Variants in DPYD observed in about 807,000 individuals in gnomAD.
DPYD encodes dihydropyrimidine dehydrogenase.
DPYD carries 109 observed loss-of-function variants against 116.2 expected under a neutral mutation model. That is an observed-to-expected ratio of 0.94 (90% CI 0.80 to 1.10). The LOEUF (loss-of-function observed/expected upper bound fraction) is 1.10. Among genes scored for constraint, DPYD ranks in the 50% least tolerant of loss-of-function variants. DPYD has a pLI of 0.00. For synonymous variants in DPYD, 440 were observed against 432.0 expected, an observed-to-expected ratio of 1.02 and a Z score of -0.23; for missense variants, 1,302 against 1,254.5, an observed-to-expected ratio of 1.04 and a Z score of -0.57.
At chr1:97,720,480 T>A (rs1662860393) in intron 5 of DPYD, 5 of 992,956 alleles carry the variant, frequency 5.0e-6, no homozygotes, top group Non-Finnish European at 6.0e-6. Context: ...AGAAATTAAA[T>A]CCCAGAATTT....
intron 2 of DPYD, among the ~76,000 whole-genome samples, chr1:97,853,901 C>T (rs1044697771): frequency 6.6e-6 from 1 of 151,974 alleles, no homozygotes; most frequent in Non-Finnish European, 1.5e-5. Flanking sequence ...CTGTCTCATC[C>T]TTGCAAAAAA....
chr1:97,164,279 AAAT>A (rs1408772976), intron 20 of DPYD, among the ~76,000 whole-genome samples: 4 of 152,200 alleles, frequency 2.6e-5, no homozygotes, highest in Non-Finnish European at 5.9e-5. Flanking sequence ...ACACAGCTCA[AAAT>A]AATAAGATCC....
intron 20 of DPYD, among the ~76,000 whole-genome samples, chr1:97,176,661 G>T (rs1657280256): frequency 6.6e-6 from 1 of 152,154 alleles, no homozygotes. Context: ...TGCAGAAAAA[G>T]CACTGAACTG....
At chr1:97,326,835 CTG>C (rs1668728914) in intron 16 of DPYD, among the ~76,000 whole-genome samples, 1 of 151,918 alleles carries the variant, frequency 6.6e-6, no homozygotes, top group African/African-American at 2.4e-5. Flanking sequence ...GAGTCTATAA[CTG>C]TGTTTTACAT....
In DPYD at chr1:97,720,928, T is replaced by A. The variant is rs1662886965; in HGVS notation, c.483+582A>T. 3 of 1,608,872 alleles carry A rather than the reference T, an allele frequency of 1.9e-6. No homozygotes were observed. The African/African-American group carries it at 4.0e-5, about 22-fold the overall frequency. ...TAAAGAGAAAGCCAGGATCAAAGTCTATGGGATAAACAGAAAAAAAAGTGC... is the reference window on the plus strand; with the variant it reads ...TAAAGAGAAAGCCAGGATCAAAGTCAATGGGATAAACAGAAAAAAAAGTGC... On this transcript the variant is annotated intron_variant, in intron 5 of 22. Coordinates refer to ENST00000370192, the MANE Select transcript of DPYD (RefSeq NM_000110.4).
chr1:97,667,779 C>G (rs556491233), intron 8 of DPYD, among the ~76,000 whole-genome samples: 1 of 152,162 alleles, frequency 6.6e-6, no homozygotes, highest in South Asian at 2.1e-4. Context: ...TTTGTGGGAG[C>G]ATTATTCCCA....
chr1:97,287,552 C>A (rs1421521663), intron 18 of DPYD, among the ~76,000 whole-genome samples: 1 of 152,190 alleles, frequency 6.6e-6, no homozygotes, highest in Non-Finnish European at 1.5e-5. Flanking sequence ...CAGAGGCAGG[C>A]AGGCATCCTT....
At chr1:97,423,605 T>G (rs1674702223) in intron 14 of DPYD, among the ~76,000 whole-genome samples, 1 of 152,090 alleles carries the variant, frequency 6.6e-6, no homozygotes, top group South Asian at 2.1e-4. Flanking sequence ...ATTTGGGGCA[T>G]TGAGAGGCAG....
intron 3 of DPYD, among the ~76,000 whole-genome samples, chr1:97,788,882 C>A (rs1212492166): frequency 2.0e-5 from 3 of 152,166 alleles, no homozygotes; most frequent in Non-Finnish European, 1.5e-5. Flanking sequence ...CGGCTCACTG[C>A]AACCTCCGCC....
chr1:97,714,382 T>C (rs1557902173), intron 5 of DPYD, among the ~76,000 whole-genome samples: 1 of 152,084 alleles, frequency 6.6e-6, no homozygotes, highest in East Asian at 1.9e-4. Context: ...CTGGCTAATT[T>C]TTTTTATTTT....
chr1:97,574,784 T>G (rs552321198), intron 10 of DPYD, among the ~76,000 whole-genome samples: 3 of 152,298 alleles, frequency 2.0e-5, no homozygotes, highest in African/African-American at 7.2e-5. Flanking sequence ...TGTTCTTTTT[T>G]TAAAAAATGC....
In DPYD at chr1:97,613,561, A is replaced by T. The variant is rs192091658; in HGVS notation, c.851-18395T>A. ...GTGTGCTGGTGAGACTTTCCGAAAC[A>T]CCTGTTTTCAACGCATGATCTGCCA... On this transcript the variant is annotated intron_variant, in intron 8 of 22. Transcript: ENST00000370192. 4.6e-5 allele frequency among the ~76,000 whole-genome samples: 7 copies of T among 152,122 alleles called. No homozygotes were observed. The East Asian group carries it at 1.4e-3, about 29-fold the overall frequency.
chr1:97,617,318 A>G (rs1028220739), intron 8 of DPYD, among the ~76,000 whole-genome samples: 5 of 152,188 alleles, frequency 3.3e-5, no homozygotes, highest in African/African-American at 1.2e-4. Context: ...AAATAAAGGT[A>G]ATTGGCTAGG....
intron 7 of DPYD, among the ~76,000 whole-genome samples, chr1:97,689,663 T>C (rs988850609): frequency 6.6e-6 from 1 of 151,926 alleles, no homozygotes. Flanking sequence ...TATATATTAG[T>C]TGAGAGAGAC....
At chr1:97,292,282 AAAAG>A (rs1666242709) in intron 18 of DPYD, among the ~76,000 whole-genome samples, 1 of 152,158 alleles carries the variant, frequency 6.6e-6, no homozygotes, top group Admixed American at 6.5e-5. Context: ...GGTAATGTAT[AAAAG>A]AAAGAGATTT....
chr1:97,422,159 G>T (rs1674621903), intron 14 of DPYD, among the ~76,000 whole-genome samples: 1 of 151,988 alleles, frequency 6.6e-6, no homozygotes, highest in Non-Finnish European at 1.5e-5. Context: ...ATTGGTTTTG[G>T]GAAGTATTTT....
intron 8 of DPYD, among the ~76,000 whole-genome samples, chr1:97,631,163 A>AGCTGCCCCAGTGACTGGAT (rs1553208813): frequency 6.6e-6 from 1 of 152,042 alleles, no homozygotes; most frequent in Non-Finnish European, 1.5e-5. Flanking sequence ...TCATTGTCTG[A>AGCTGCCCCAGTGACTGGAT]GCTGCCCCAG....
chr1:97,402,779 T>C (rs1349793336), intron 14 of DPYD, among the ~76,000 whole-genome samples: 3 of 152,028 alleles, frequency 2.0e-5, no homozygotes, highest in Non-Finnish European at 4.4e-5. Flanking sequence ...ACTCAGGAAG[T>C]TTCTCTGTAT....
intron 13 of DPYD, among the ~76,000 whole-genome samples, chr1:97,465,997 C>T (rs1286610619): frequency 5.9e-5 from 9 of 152,140 alleles, no homozygotes; most frequent in Middle Eastern, 3.4e-3. Context: ...GCTACTTGGG[C>T]GGCTGAGGTG....
Sources: gnomAD v4.1 joint callset for allele counts (sites outside exome capture counted in the v4.1 genomes callset) on GRCh38, gnomAD v4.1.1 for gene constraint, MANE v1.5 for transcripts, NCBI Gene and HGNC (gene_info 2026-07-23, HGNC 2026-07-21) for gene names.